The following PPFIA2 variants were observed in gnomAD, a reference collection of about 807,000 sequenced individuals.
The protein encoded by PPFIA2 is liprin-alpha-2.
A neutral mutation model predicts 175.5 loss-of-function variants in PPFIA2; 46 were observed. The ratio of observed to expected loss-of-function variants is 0.26; its 90% CI spans 0.21 to 0.34. The LOEUF is 0.34. PPFIA2 is among the 10% of genes least tolerant of loss of function. The probability of loss-of-function intolerance (pLI) is 1.00; values close to 1 mark genes in which losing one functional copy is unlikely to be tolerated. For missense variants in PPFIA2, 1,179 were observed against 1,506.1 expected, an observed-to-expected ratio of 0.78 and a Z score of 3.60; for synonymous variants, 568 against 511.4, an observed-to-expected ratio of 1.11 and a Z score of -1.49.
chr12:81,552,586 T>G (rs2068106487), intron 4 of PPFIA2, among the ~76,000 whole-genome samples: 1 of 151,996 alleles, frequency 6.6e-6, no homozygotes, highest in Non-Finnish European at 1.5e-5. Flanking sequence ...TATTATATGT[T>G]TGAACAATAT....
intron 28 of PPFIA2, among the ~76,000 whole-genome samples, chr12:81,269,145 T>C (rs1412047160): frequency 3.3e-5 from 5 of 152,192 alleles, no homozygotes; most frequent in African/African-American, 7.2e-5. Context: ...TGTTTTATCA[T>C]TTATTTTCTT....
At chr12:81,310,511 C>G (rs1179149975) in intron 22 of PPFIA2, among the ~76,000 whole-genome samples, 1 of 151,994 alleles carries the variant, frequency 6.6e-6, no homozygotes, top group African/African-American at 2.4e-5. Flanking sequence ...CATTGTTTTT[C>G]AATATTTAAT....
chr12:81,558,279 C>G (rs909400600), intron 4 of PPFIA2, among the ~76,000 whole-genome samples: 9 of 152,046 alleles, frequency 5.9e-5, no homozygotes, highest in African/African-American at 2.2e-4. Context: ...CATGCTTTTC[C>G]ACATTTTCTT....
At chr12:81,353,097 C>T in intron 17 of PPFIA2, 22 bp downstream of exon 17, 2 of 1,597,300 alleles carry the variant, frequency 1.3e-6, no homozygotes, top group Non-Finnish European at 1.7e-6. Flanking sequence ...TTCTTGAAAT[C>T]ATCAGTACTA....
intron 4 of PPFIA2, among the ~76,000 whole-genome samples, chr12:81,565,710 A>C (rs1030184542): frequency 1.3e-5 from 2 of 152,224 alleles, no homozygotes; most frequent in African/African-American, 4.8e-5. Context: ...AGGAATCCTC[A>C]AATAGATATT....
At chr12:81,727,036 C>A (rs2080180081) in intron 3 of PPFIA2, among the ~76,000 whole-genome samples, 1 of 151,364 alleles carries the variant, frequency 6.6e-6, no homozygotes, top group East Asian at 1.9e-4. Flanking sequence ...AGAAACAAAT[C>A]TTTTTTGTTG....
At chr12:81,583,077 C>T (rs1567440438) in intron 4 of PPFIA2, among the ~76,000 whole-genome samples, 1 of 151,894 alleles carries the variant, frequency 6.6e-6, no homozygotes, top group Non-Finnish European at 1.5e-5. Context: ...TACGTATTTC[C>T]ATTTCAATTC....
intron 15 of PPFIA2, 102 bp downstream of exon 15, chr12:81,362,591 A>T: frequency 1.5e-6 from 1 of 674,388 alleles, no homozygotes; most frequent in Non-Finnish European, 2.5e-6. Flanking sequence ...ACTAGTGAGC[A>T]ATAGGAAGTA....
chr12:81,332,431 C>T (rs2056313639), intron 21 of PPFIA2, among the ~76,000 whole-genome samples: 1 of 152,042 alleles, frequency 6.6e-6, no homozygotes, highest in African/African-American at 2.4e-5. Flanking sequence ...TGAAACTCTA[C>T]CTTTACACCT....
rs917369656 is a variant in PPFIA2 at position 81,598,756 on chromosome 12, T to C, written c.303+78035A>G. ...TACAATTCAGTAAGACTGTATATAC[T>C]AGGAGTACTATCAAATAAAATGTAC... On this transcript the variant is annotated intron_variant, in intron 4 of 32. Coordinates refer to ENST00000549396, the MANE Select transcript of PPFIA2 (RefSeq NM_003625.5). Among the ~76,000 whole-genome samples, 8 of 152,044 alleles carry C rather than the reference T, an allele frequency of 5.3e-5. No homozygotes were observed. In the East Asian group the frequency reaches 1.5e-3, roughly 29 times the overall value.
chr12:81,451,850 ATAAAT>A (rs746367445), intron 5 of PPFIA2, among the ~76,000 whole-genome samples: 6 of 152,202 alleles, frequency 3.9e-5, no homozygotes, highest in Non-Finnish European at 7.3e-5. Context: ...ATAAAAGTAA[ATAAAT>A]TAAGAGTACA....
intron 6 of PPFIA2, among the ~76,000 whole-genome samples, chr12:81,444,538 A>C (rs2050859352): frequency 6.6e-6 from 1 of 152,108 alleles, no homozygotes; most frequent in Non-Finnish European, 1.5e-5. Flanking sequence ...TTCTTATACT[A>C]ATTGCCTCTC....
At chr12:81,541,958 T>A (rs2066284557) in intron 4 of PPFIA2, among the ~76,000 whole-genome samples, 1 of 151,770 alleles carries the variant, frequency 6.6e-6, no homozygotes, top group African/African-American at 2.4e-5. Flanking sequence ...GTTAGAAACA[T>A]CAGGATGAAC....
chr12:81,458,789 TTAAATATAG>T (rs1183286510), intron 4 of PPFIA2, among the ~76,000 whole-genome samples: 1 of 152,290 alleles, frequency 6.6e-6, no homozygotes, highest in East Asian at 1.9e-4. Flanking sequence ...ATTTATTTTT[TTAAATATAG>T]TAAATAGATC....
In PPFIA2 at chr12:81,263,368, C is replaced by T. The variant is rs556196857; in HGVS notation, c.3578G>A (p.Arg1193His). Residue 1193 changes from arginine to histidine, a missense_variant, in exon 31 of 33, where the codon CGT becomes CAT. Around this residue, in one of 10 missense-constraint regions of PPFIA2, gnomAD observed 245 missense variants for 375.1 expected, o/e 0.65. Transcript: ENST00000549396. The stretch of plus-strand genomic sequence containing the variant: ...AAACTGCCTTCTCCAGGTTGATCCA[C>T]GTCTGAAGTTCTTGTCATCACTCTG... ...LDESDDKNFR[R>H]GSTWRRQFPP... The T allele has an allele frequency of 1.2e-5, 20 of 1,613,380 alleles. No homozygotes were observed. The highest frequency in any genetic ancestry group is 1.6e-4 in the Middle Eastern group (1 of 6,062).
At chr12:81,751,294 T>G (rs1311627515) in intron 3 of PPFIA2, among the ~76,000 whole-genome samples, 1 of 152,042 alleles carries the variant, frequency 6.6e-6, no homozygotes, top group African/African-American at 2.4e-5. Flanking sequence ...AGGCTCATAA[T>G]CCCTAATCTA....
intron 4 of PPFIA2, among the ~76,000 whole-genome samples, chr12:81,614,828 T>C (rs1009666905): frequency 6.6e-6 from 1 of 152,154 alleles, no homozygotes; most frequent in Non-Finnish European, 1.5e-5. Flanking sequence ...GTAATAATAA[T>C]GATAATAATG....
intron 4 of PPFIA2, among the ~76,000 whole-genome samples, chr12:81,556,160 A>G (rs1370536408): frequency 3.3e-5 from 5 of 151,960 alleles, no homozygotes; most frequent in Non-Finnish European, 7.4e-5. Flanking sequence ...ATATATTCCA[A>G]CTTTTCAATT....
intron 4 of PPFIA2, among the ~76,000 whole-genome samples, chr12:81,515,876 C>T (rs2147921081): frequency 6.6e-6 from 1 of 152,014 alleles, no homozygotes; most frequent in South Asian, 2.1e-4. Flanking sequence ...TCTCTTTTCT[C>T]ACATTTGATC....
Sources: gnomAD v4.1 joint callset for allele counts (sites outside exome capture counted in the v4.1 genomes callset) on GRCh38, gnomAD v4.1.1 for gene constraint, gnomAD v4.1.1 regional missense constraint, MANE v1.5 for transcripts, NCBI Gene and HGNC (gene_info 2026-07-23, HGNC 2026-07-21) for gene names.